Variants in PDE4D observed in about 807,000 individuals in gnomAD.
PDE4D encodes the protein phosphodiesterase 4D, also known as 3',5'-cyclic-AMP phosphodiesterase 4D.
PDE4D carries 24 observed loss-of-function variants against 87.4 expected under a neutral mutation model. That is an observed-to-expected ratio of 0.27 (90% confidence interval 0.20 to 0.39). The LOEUF (loss-of-function observed/expected upper bound fraction) is 0.39. Ranked by LOEUF, PDE4D falls within the 10% of genes least tolerant of loss-of-function variation. The pLI is 1.00. For missense variants in PDE4D, 714 were observed against 1,041.0 expected (o/e 0.69, Z 4.32); for synonymous variants, 384 against 383.2 (o/e 1.00, Z -0.02).
intron 1 of PDE4D, among the ~76,000 whole-genome samples, chr5:59,228,164 A>C (rs549234710): frequency 6.6e-6 from 1 of 152,318 alleles, no homozygotes; most frequent in South Asian, 2.1e-4. Flanking sequence ...AGAAAACCAA[A>C]TACTGCATGT....
At chr5:59,972,409 G>T (rs1382332806) in intron 3 of PDE4D, among the ~76,000 whole-genome samples, 1 of 152,170 alleles carries the variant, frequency 6.6e-6, no homozygotes, top group Non-Finnish European at 1.5e-5. Flanking sequence ...AGCAATATAG[G>T]TGACAATAAT....
rs550792733 is a variant in PDE4D, at chr5:59,480,460, T to A, written c.456-264492A>T. On this transcript the variant is annotated intron_variant, in intron 1 of 14. Coordinates refer to ENST00000340635, the MANE Select transcript of PDE4D (RefSeq NM_001104631.2). ...CTGCCAATGTCACAGATTACCTCCC[T>A]TATCTATTTCCCACTACCACCCAAC... Among the ~76,000 whole-genome samples the A allele has an allele frequency of 2.0e-5, 3 of 152,226 alleles. No homozygotes were observed. In the East Asian group the frequency reaches 5.8e-4, roughly 29 times the overall value.
chr5:59,041,454 TC>T (rs1309315548), intron 5 of PDE4D, among the ~76,000 whole-genome samples: 1 of 152,202 alleles, frequency 6.6e-6, no homozygotes, highest in Non-Finnish European at 1.5e-5. Flanking sequence ...TTTGATATTT[TC>T]CTCTCTCTCT....
At chr5:59,089,911 TGAGAG>T (rs991582948) in intron 5 of PDE4D, among the ~76,000 whole-genome samples, 2 of 152,056 alleles carry the variant, frequency 1.3e-5, no homozygotes, top group African/African-American at 4.8e-5. Flanking sequence ...AGCAGAGAGA[TGAGAG>T]GAAACACTAG....
chr5:59,240,254 C>G (rs562231483), intron 1 of PDE4D, among the ~76,000 whole-genome samples: 1 of 152,188 alleles, frequency 6.6e-6, no homozygotes, highest in Non-Finnish European at 1.5e-5. Context: ...GTGACTTTGT[C>G]AGAGGAGAGA....
chr5:59,560,632 C>G (rs1031841628), intron 1 of PDE4D, among the ~76,000 whole-genome samples: 1 of 152,326 alleles, frequency 6.6e-6, no homozygotes, highest in East Asian at 1.9e-4. Flanking sequence ...GAGCAGAGCA[C>G]TGGTCCAGTT....
intron 1 of PDE4D, among the ~76,000 whole-genome samples, chr5:59,798,881 T>C (rs969045154): frequency 3.3e-5 from 5 of 152,172 alleles, no homozygotes; most frequent in Non-Finnish European, 5.9e-5. Context: ...TGACAGCTAC[T>C]GTGAGAGAAC....
intron 1 of PDE4D, among the ~76,000 whole-genome samples, chr5:59,581,689 C>T (rs114959770): frequency 1.3e-5 from 2 of 152,108 alleles, no homozygotes; most frequent in Non-Finnish European, 2.9e-5. Context: ...CAACTTTGCT[C>T]CTCTATCATA....
At chr5:58,989,614 T>C (rs1458365111) in intron 10 of PDE4D, 141 bp downstream of exon 10, 5 of 558,334 alleles carry the variant, frequency 9.0e-6, no homozygotes, top group African/African-American at 5.8e-5. Context: ...CTATTAACTA[T>C]AGCATTTTCC....
chr5:59,157,666 C>T (rs1780456191), intron 5 of PDE4D, among the ~76,000 whole-genome samples: 1 of 152,134 alleles, frequency 6.6e-6, no homozygotes, highest in Non-Finnish European at 1.5e-5. Context: ...CAACCAAACA[C>T]ATAATTAGGA....
intron 1 of PDE4D, among the ~76,000 whole-genome samples, chr5:60,197,121 ATAGAT>A (rs1362723148): frequency 6.6e-6 from 1 of 150,800 alleles, no homozygotes; most frequent in African/African-American, 2.4e-5. Context: ...AGATAGATAG[ATAGAT>A]TAGATAGGAA....
rs139115383 is a variant in PDE4D, at chr5:59,773,306, A to G, written c.455+119862T>C. 8.5e-3 allele frequency among the ~76,000 whole-genome samples: 1,301 copies of G among 152,332 alleles called. 21 individuals carry two copies. The highest frequency in any genetic ancestry group is 0.03 in the African/African-American group (1,243 of 41,580). ...ATAAATGGGATTTAAATCTGTGTCT[A>G]TGAGGTGCCAGAGCCTCTATTTTGA... On this transcript the variant is annotated intron_variant, in intron 1 of 14. Coordinates refer to ENST00000340635, the MANE Select transcript of PDE4D (RefSeq NM_001104631.2).
In PDE4D at chr5:59,863,153, C is replaced by G. The variant is rs1253882503; in HGVS notation, c.455+30015G>C. Among the ~76,000 whole-genome samples the G allele has an allele frequency of 2.0e-5, 3 of 152,146 alleles. No individual in the cohort carries two copies. In the East Asian group the frequency reaches 5.8e-4, roughly 29 times the overall value. On this transcript the variant is annotated intron_variant, in intron 1 of 14. Coordinates refer to ENST00000340635, the MANE Select transcript of PDE4D (RefSeq NM_001104631.2). ...GCTACCTATTTTGAAAATCTACTTCCTTAATTTTTTAACTTGAATGACATC... is the reference window on the plus strand; with the variant it reads ...GCTACCTATTTTGAAAATCTACTTCGTTAATTTTTTAACTTGAATGACATC...
At chr5:60,291,901 GA>G (rs1295065985) in intron 1 of PDE4D, among the ~76,000 whole-genome samples, 1 of 152,016 alleles carries the variant, frequency 6.6e-6, no homozygotes, top group Non-Finnish European at 1.5e-5. Flanking sequence ...TGCAATATGG[GA>G]AAATGACCAA....
intron 5 of PDE4D, among the ~76,000 whole-genome samples, chr5:59,060,105 A>C (rs190636807): frequency 6.6e-6 from 1 of 152,186 alleles, no homozygotes; most frequent in East Asian, 1.9e-4. Flanking sequence ...CTATCTTTTT[A>C]TCTGCCTGTA....
At chr5:60,036,868 A>G (rs1286597586) in intron 2 of PDE4D, among the ~76,000 whole-genome samples, 1 of 152,228 alleles carries the variant, frequency 6.6e-6, no homozygotes, top group African/African-American at 2.4e-5. Context: ...TTGTCTATAA[A>G]TGGTCCTAGA....
chr5:60,025,657 T>C (rs958009696), intron 2 of PDE4D, among the ~76,000 whole-genome samples: 9 of 152,174 alleles, frequency 5.9e-5, no homozygotes, highest in Non-Finnish European at 8.8e-5. Context: ...AGATGTATTC[T>C]TCCTGAAAAA....
intron 1 of PDE4D, among the ~76,000 whole-genome samples, chr5:59,740,431 T>C (rs561796345): frequency 6.6e-6 from 1 of 152,318 alleles, no homozygotes; most frequent in East Asian, 1.9e-4. Context: ...TCTTGACGAC[T>C]TGGCAACAAT....
At chr5:60,242,172 C>A (rs1583187949) in intron 1 of PDE4D, among the ~76,000 whole-genome samples, 1 of 151,896 alleles carries the variant, frequency 6.6e-6, no homozygotes, top group Non-Finnish European at 1.5e-5. Flanking sequence ...ACAAAAAGAG[C>A]AGGAGTAGCT....
Sources: gnomAD v4.1 joint callset for allele counts (sites outside exome capture counted in the v4.1 genomes callset) on GRCh38, gnomAD v4.1.1 for gene constraint, MANE v1.5 for transcripts, NCBI Gene and HGNC (gene_info 2026-07-23, HGNC 2026-07-21) for gene names.